DPP10: variants seen among roughly 807,000 people sequenced by gnomAD.
DPP10 encodes dipeptidyl peptidase like 10.
DPP10 carries 33 observed loss-of-function variants against 120.9 expected under a neutral mutation model. That is an observed-to-expected ratio of 0.27 (90% CI 0.21 to 0.37). DPP10 has a LOEUF of 0.37. Among genes scored for constraint, DPP10 ranks in the 10% least tolerant of loss-of-function variants. The pLI is 1.00. For synonymous variants in DPP10, 337 were observed against 326.1 expected (o/e 1.03, Z -0.36); for missense variants, 816 against 942.8 (o/e 0.87, Z 1.76).
chr2:115,258,171 G>T (rs1340563177), intron 1 of DPP10, among the ~76,000 whole-genome samples: 1 of 152,170 alleles, frequency 6.6e-6, no homozygotes, highest in Admixed American at 6.5e-5. Context: ...CACTGAAATA[G>T]ATTTTGTTAT....
At chr2:115,754,467 T>G (rs879150067) in intron 11 of DPP10, among the ~76,000 whole-genome samples, 6 of 152,112 alleles carry the variant, frequency 3.9e-5, no homozygotes, top group Non-Finnish European at 7.4e-5. Context: ...TGAAGAGATC[T>G]CCCTGAAAAC....
At chr2:115,823,090 T>C (rs1012882463) in intron 21 of DPP10, among the ~76,000 whole-genome samples, 9 of 152,052 alleles carry the variant, frequency 5.9e-5, no homozygotes, top group African/African-American at 2.2e-4. Context: ...TGAGTATTGG[T>C]TTCTTTTGCC....
chr2:115,812,098 C>T (rs1330633051), intron 19 of DPP10, among the ~76,000 whole-genome samples: 1 of 152,154 alleles, frequency 6.6e-6, no homozygotes, highest in Non-Finnish European at 1.5e-5. Context: ...TATTGGCCAT[C>T]ATTATAGACA....
intron 5 of DPP10, among the ~76,000 whole-genome samples, chr2:115,589,789 A>G (rs1253609967): frequency 1.3e-5 from 2 of 152,214 alleles, no homozygotes; most frequent in Non-Finnish European, 2.9e-5. Flanking sequence ...TTTAAAGTAT[A>G]AGTAATATCC....
chr2:115,566,343 T>C (rs1452685870), intron 5 of DPP10, among the ~76,000 whole-genome samples: 1 of 152,174 alleles, frequency 6.6e-6, no homozygotes, highest in East Asian at 1.9e-4. Flanking sequence ...GATTTTTTTC[T>C]ATATGGTGGT....
At chr2:115,578,248 A>G (rs769565381) in intron 5 of DPP10, among the ~76,000 whole-genome samples, 36 of 152,264 alleles carry the variant, frequency 2.4e-4, no homozygotes, top group African/African-American at 8.4e-4. Flanking sequence ...TTTGTGCACC[A>G]TAAGGGAATC....
chr2:115,231,422 A>G (rs1330034086), intron 1 of DPP10, among the ~76,000 whole-genome samples: 1 of 152,176 alleles, frequency 6.6e-6, no homozygotes, highest in Admixed American at 6.6e-5. Context: ...TTTAAAGCAC[A>G]TACTTTACAG....
At chr2:115,526,226 A>C (rs1158514829) in intron 5 of DPP10, 4 of 370,350 alleles carry the variant, frequency 1.1e-5, no homozygotes, top group Non-Finnish European at 1.9e-5. Context: ...GCAGAGGAGA[A>C]TGTGGCAGAG....
chr2:115,686,813 G>A (rs2091014117), intron 5 of DPP10, among the ~76,000 whole-genome samples: 1 of 152,108 alleles, frequency 6.6e-6, no homozygotes, highest in South Asian at 2.1e-4. Flanking sequence ...ACTCTAATAA[G>A]TAGTGGAACA....
intron 1 of DPP10, among the ~76,000 whole-genome samples, chr2:115,102,854 T>C (rs2048760225): frequency 6.6e-6 from 1 of 152,168 alleles, no homozygotes; most frequent in African/African-American, 2.4e-5. Context: ...AGTGACAGTG[T>C]CTGAAGCCGT....
chr2:114,592,332 C>T (rs1236052560), intron 1 of DPP10, among the ~76,000 whole-genome samples: 1 of 152,130 alleles, frequency 6.6e-6, no homozygotes, highest in African/African-American at 2.4e-5. Flanking sequence ...CTTTTCCCTT[C>T]AGTTTTTATA....
intron 1 of DPP10, among the ~76,000 whole-genome samples, chr2:114,572,436 C>A (rs1689729675): frequency 6.6e-6 from 1 of 152,146 alleles, no homozygotes; most frequent in Non-Finnish European, 1.5e-5. Flanking sequence ...CTATAATAAT[C>A]ACCAAAATTA....
At chr2:115,091,781 C>A (rs1197435439) in intron 1 of DPP10, among the ~76,000 whole-genome samples, 1 of 152,202 alleles carries the variant, frequency 6.6e-6, no homozygotes, top group Non-Finnish European at 1.5e-5. Flanking sequence ...CCGTTTCTCT[C>A]CTCTGAGTGT....
chr2:115,565,868 C>A (rs1363268204), intron 5 of DPP10, among the ~76,000 whole-genome samples: 1 of 151,012 alleles, frequency 6.6e-6, no homozygotes, highest in East Asian at 1.9e-4. Context: ...TCGTTGCAAC[C>A]TCCGCCTCCC....
chr2:114,773,398 T>A (rs1307979764), intron 1 of DPP10, among the ~76,000 whole-genome samples: 1 of 148,622 alleles, frequency 6.7e-6, no homozygotes, highest in African/African-American at 2.5e-5. Flanking sequence ...TCACGGACTT[T>A]TAGTTTATAC....
chr2:115,461,339 CT>C (rs1162203164), intron 3 of DPP10, among the ~76,000 whole-genome samples: 1 of 152,038 alleles, frequency 6.6e-6, no homozygotes, highest in Non-Finnish European at 1.5e-5. Flanking sequence ...CCATTAAATA[CT>C]GTTAACATGG....
In DPP10 at chr2:115,484,135, G is replaced by A. The variant is rs1282388451; in HGVS notation, c.272-15375G>A. 7.2e-4 allele frequency among the ~76,000 whole-genome samples: 6 copies of A among 8,318 alleles called. No homozygotes were observed. The Non-Finnish European group carries it at 0.037, about 51-fold the overall frequency. 5.5% of individuals were successfully genotyped at this position (8,318 alleles called of 152,430 possible). On this transcript the variant is annotated intron_variant, in intron 3 of 25. Transcript: ENST00000410059. ...ACAGACTCATTTTTTTTTGCCACCA[G>A]TACACCCCCCCCCCACACACAAACA...
At chr2:115,007,354 G>C (rs971151430) in intron 1 of DPP10, among the ~76,000 whole-genome samples, 4 of 152,090 alleles carry the variant, frequency 2.6e-5, no homozygotes, top group African/African-American at 7.2e-5. Context: ...TGCAGAAAAG[G>C]CCTTTGACAA....
rs765043652 is a variant in DPP10, at chr2:115,791,278, C to G, written c.1631-9C>G. ...CTCCATCTTTAATATTTTGCTCTTT[C>G]TTTAAAAGAACTTCCTTTACAGTTG... On this transcript the variant is annotated splice_polypyrimidine_tract_variant and intron_variant, in intron 18 of 25. Transcript: ENST00000410059. 4 of 1,609,484 alleles carry G rather than the reference C, an allele frequency of 2.5e-6. No homozygotes were observed. The highest frequency in any genetic ancestry group is 3.4e-5 in the Admixed American group (2 of 59,204).
Sources: allele counts gnomAD v4.1 joint callset (sites outside exome capture counted in the v4.1 genomes callset), GRCh38; gene constraint gnomAD v4.1.1; transcripts MANE v1.5; gene names NCBI Gene and HGNC (gene_info 2026-07-23, HGNC 2026-07-21).